MAP3K12: variants seen among roughly 807,000 people sequenced by gnomAD.
The protein encoded by MAP3K12 is mitogen-activated protein kinase kinase kinase 12.
Under a neutral mutation model 87.5 loss-of-function variants are expected in MAP3K12, and 14 were observed. That is an observed-to-expected ratio of 0.16 (90% confidence interval 0.11 to 0.25). The LOEUF is 0.25. Ranked by LOEUF, MAP3K12 falls within the 10% of genes least tolerant of loss-of-function variation. The probability of loss-of-function intolerance (pLI) is 1.00; values close to 1 mark genes in which losing one functional copy is unlikely to be tolerated. For synonymous variants in MAP3K12, 469 were observed against 452.5 expected (o/e 1.04, Z -0.46); for missense variants, 802 against 1,140.4 (o/e 0.70, Z 4.27).
At chr12:53,495,376 G>A (rs954693752) in intron 1 of MAP3K12, among the ~76,000 whole-genome samples, 8 of 126,934 alleles carry the variant, frequency 6.3e-5, no homozygotes, top group Non-Finnish European at 1.3e-4. Flanking sequence ...AAGGCCAGGC[G>A]CAGTTGCTCA....
chr12:53,489,153 G>C (rs1036920975), intron 1 of MAP3K12, among the ~76,000 whole-genome samples: 7 of 146,456 alleles, frequency 4.8e-5, no homozygotes, highest in African/African-American at 1.5e-4. Context: ...ACCAAAAATA[G>C]AAACAAACAA....
chr12:53,489,739 G>A (rs1423931903), intron 1 of MAP3K12, among the ~76,000 whole-genome samples: 1 of 152,134 alleles, frequency 6.6e-6, no homozygotes, highest in Admixed American at 6.5e-5. Context: ...AGGAGGCTTG[G>A]GAAACTCTGA....
chr12:53,487,214 C>A lies in MAP3K12; in HGVS notation c.178G>T (p.Gly60Trp). Residue 60 changes from glycine to tryptophan, a missense_variant, in exon 2 of 14, where the codon GGG becomes TGG. Gly to Trp is a radical substitution (Grantham distance 184, BLOSUM62 -2). This residue lies in a region of MAP3K12 where 135 missense variants were observed against 151.6 expected (regional missense o/e 0.89). Transcript: ENST00000547488. ...RDVVPLGGQG[G>W]GGPSPSPGGE... ...CCTGGGGAGGGGCTGGGCCCTCCCC[C>A]ACCCTGCCCACCAAGGGGTACCACA... 1.9e-6 allele frequency: 3 copies of A among 1,613,366 alleles called. No homozygotes were observed. Among genetic ancestry groups the A allele is most frequent in the Non-Finnish European group, 2.5e-6 (3 of 1,179,594 alleles).
At chr12:53,487,512 G>A (rs530958132) in intron 1 of MAP3K12, 84 bp from the exon 2 acceptor site, 5 of 1,400,846 alleles carry the variant, frequency 3.6e-6, no homozygotes, top group African/African-American at 1.4e-5. Flanking sequence ...GGCACAGACT[G>A]GGGTGCTGGG....
chr12:53,489,079 CAAAAAAA>C (rs925604046), intron 1 of MAP3K12, among the ~76,000 whole-genome samples: 3 of 46,434 alleles, frequency 6.5e-5, no homozygotes, highest in South Asian at 7.2e-4. Context: ...AACTCTGTCT[CAAAAAAA>C]AAAAAAAAAA....
rs1448745686 is a variant in MAP3K12, at chr12:53,480,454, TG to T, written c.*727del. The T allele has an allele frequency of 7.2e-5, 11 of 152,594 alleles. No homozygotes were observed. Among genetic ancestry groups the T allele is most frequent in the Admixed American group, 7.2e-4 (11 of 15,268 alleles). The allele number at this position is 152,594 out of a possible 1,614,324, so 9.5% of individuals were successfully genotyped here. A position where few individuals can be genotyped will look rare whatever the true frequency, so the allele number is the denominator to read the frequency against. ...CCCAAGGCTTTATCTTAACCATGTA[TG>T]GTACCCCATTCATTCATCAAGAAAA... On this transcript the variant is annotated 3_prime_UTR_variant, in exon 14 of 14. Coordinates refer to ENST00000547488, the MANE Select transcript of MAP3K12 (RefSeq NM_001193511.2).
At position 53,485,298 on chromosome 12, in the gene MAP3K12, T is replaced by C. The variant is rs766295835; in HGVS notation, c.980+19A>G. On this transcript the variant is annotated intron_variant, in intron 5 of 13. Coordinates refer to ENST00000547488, the MANE Select transcript of MAP3K12 (RefSeq NM_001193511.2). ...AGGGCTGGCCACCCACTCTTCTCAG[T>C]TTTCAGCCTAGTTCTCACCAGATGT... The C allele has an allele frequency of 5.0e-6, 8 of 1,609,350 alleles. No individual in the cohort carries two copies. In the African/African-American group the frequency reaches 5.3e-5, roughly 11 times the overall value.
chr12:53,484,083 G>C, intron 7 of MAP3K12, 63 bp from the exon 8 acceptor site: 1 of 1,533,680 alleles, frequency 6.5e-7, no homozygotes, highest in Non-Finnish European at 9.0e-7. Context: ...GGCTCTGCAG[G>C]TTGCCCACAC....
Position 53,480,625 on chromosome 12 carries a change from T to C in MAP3K12, c.*557A>G, listed in dbSNP as rs1942986808. On this transcript the variant is annotated 3_prime_UTR_variant, in exon 14 of 14. Coordinates refer to ENST00000547488, the MANE Select transcript of MAP3K12 (RefSeq NM_001193511.2). ...CGGTTCTTCAGCCTGAGCCATCACA[T>C]GCTATCAGTCTCCTAACCTCCCCCT... 1 of 152,524 alleles carries C rather than the reference T, an allele frequency of 6.6e-6. No homozygotes were observed. The highest frequency in any genetic ancestry group is 1.5e-5 in the Non-Finnish European group (1 of 68,054). The allele number at this position is 152,524 out of a possible 1,614,324, so 9.4% of individuals were successfully genotyped here.
intron 1 of MAP3K12, among the ~76,000 whole-genome samples, chr12:53,498,950 G>C: frequency 4.2e-5 from 1 of 23,712 alleles, no homozygotes; most frequent in South Asian, 1.7e-3. Flanking sequence ...GTGTGTGTGT[G>C]TGTGTGTGTG....
intron 10 of MAP3K12, 33 bp from the exon 11 acceptor site, chr12:53,483,222 T>C: frequency 6.5e-7 from 1 of 1,534,610 alleles, no homozygotes; most frequent in Non-Finnish European, 8.7e-7. Flanking sequence ...AGGTTAAGAC[T>C]GCCAAATCTA....
At chr12:53,500,460 G>C (rs1388636032), upstream of MAP3K12, 1 of 152,280 alleles carries the variant, frequency 6.6e-6, no homozygotes, top group East Asian at 1.9e-4. Flanking sequence ...TCAGGCCCCA[G>C]AGGTTTCCTC....
chr12:53,501,257 A>C (rs1305583606), upstream of MAP3K12: 12 of 753,746 alleles, frequency 1.6e-5, no homozygotes, highest in Non-Finnish European at 2.2e-5. Context: ...CTCACGAAGT[A>C]GGGTGGGCGG....
intron 1 of MAP3K12, among the ~76,000 whole-genome samples, chr12:53,494,049 C>A (rs565218465): frequency 9.2e-5 from 14 of 152,216 alleles, no homozygotes; most frequent in Admixed American, 3.9e-4. Flanking sequence ...TCTCTCCCAA[C>A]ACACACACAC....
intron 1 of MAP3K12, among the ~76,000 whole-genome samples, chr12:53,489,448 C>G (rs1565889583): frequency 6.6e-6 from 1 of 152,236 alleles, no homozygotes; most frequent in Non-Finnish European, 1.5e-5. Context: ...CACTAAGGCA[C>G]AGCAAACCCT....
intron 1 of MAP3K12, among the ~76,000 whole-genome samples, chr12:53,498,920 GTGTGTGTGTGTGTGTGTGTGTGT>G: frequency 1.2e-3 from 1 of 854 alleles, no homozygotes; most frequent in South Asian, 0.033. Flanking sequence ...GTGTGTGTGT[GTGTGTGTGTGTGTGTGTGTGTGT>G]GTGTGTGTGT....
rs111648716 is a variant in MAP3K12 at position 53,489,153 on chromosome 12, GAAAC to G, written c.-37-1729_-37-1726del. ...CAAAACCCTGTCTCTACCAAAAATA[GAAAC>G]AAACAAACAAACAAAAAACAACAAA... On this transcript the variant is annotated intron_variant, in intron 1 of 13. Coordinates refer to ENST00000547488, the MANE Select transcript of MAP3K12 (RefSeq NM_001193511.2). Among the ~76,000 whole-genome samples, 1,433 of 146,510 alleles carry G rather than the reference GAAAC, an allele frequency of 9.8e-3. 8 individuals carry two copies. The highest frequency in any genetic ancestry group is 0.026 in the African/African-American group (1,025 of 39,616).
rs1943029723 is a variant in MAP3K12, at chr12:53,481,291, G to C, written c.2581-11C>G. The C allele has an allele frequency of 6.7e-7, 1 of 1,496,368 alleles. No homozygotes were observed. Among genetic ancestry groups the C allele is most frequent in the Admixed American group, 2.2e-5 (1 of 46,268 alleles). 92.7% of individuals were successfully genotyped at this position (1,496,368 alleles called of 1,614,324 possible). ...AGAATTGGGAGGGCCCTGTGAGAAA[G>C]AGTAGAAATGGAGTGAGATTCCTTG... On this transcript the variant is annotated splice_polypyrimidine_tract_variant and intron_variant, in intron 13 of 13. Coordinates refer to ENST00000547488, the MANE Select transcript of MAP3K12 (RefSeq NM_001193511.2).
At chr12:53,488,556 G>A (rs1943305177) in intron 1 of MAP3K12, among the ~76,000 whole-genome samples, 1 of 152,176 alleles carries the variant, frequency 6.6e-6, no homozygotes, top group Non-Finnish European at 1.5e-5. Flanking sequence ...AGCTACTTGG[G>A]AGGCTGAGGC....
Sources: allele counts gnomAD v4.1 joint callset (sites outside exome capture counted in the v4.1 genomes callset), GRCh38; gene constraint gnomAD v4.1.1; regional missense constraint gnomAD v4.1.1; transcripts MANE v1.5; gene names NCBI Gene and HGNC (gene_info 2026-07-23, HGNC 2026-07-21).